GRIK2: variants seen among roughly 807,000 people sequenced by gnomAD.
The protein encoded by GRIK2 is glutamate ionotropic receptor kainate type subunit 2.
In GRIK2, 32 loss-of-function variants were observed where a neutral mutation model predicts 100.3. That is an observed-to-expected ratio of 0.32 (90% CI 0.24 to 0.43). GRIK2 has a LOEUF of 0.43. Ranked by LOEUF, GRIK2 falls within the 20% of genes least tolerant of loss-of-function variation. GRIK2 has a pLI of 1.00. For missense variants in GRIK2, 843 were observed against 1,114.9 expected (o/e 0.76, Z 3.47); for synonymous variants, 417 against 389.4 (o/e 1.07, Z -0.83).
chr6:101,411,480 T>C (rs1775879989), intron 2 of GRIK2, among the ~76,000 whole-genome samples: 1 of 152,116 alleles, frequency 6.6e-6, no homozygotes, highest in Admixed American at 6.6e-5. Context: ...GTGGTGGTTC[T>C]TAGTCCCTTT....
chr6:101,910,862 CACAT>C (rs1268720032), intron 12 of GRIK2, among the ~76,000 whole-genome samples: 12 of 150,822 alleles, frequency 8.0e-5, no homozygotes, highest in African/African-American at 1.5e-4. Flanking sequence ...CACACACACA[CACAT>C]ACACAAGCAT....
Position 102,014,892 on chromosome 6 carries a change from G to A in GRIK2, c.2086-20449G>A, listed in dbSNP as rs564347851. Among the ~76,000 whole-genome samples, 41 of 152,240 alleles carry A rather than the reference G, an allele frequency of 2.7e-4. No homozygotes were observed. In the South Asian group the frequency reaches 7.5e-3, roughly 28 times the overall value. ...TTTAGAGTATATGACAAGTGTAGAAGAGAAGAATGTATATTCTGTTGTTTT... is the reference window on the plus strand; with the variant it reads ...TTTAGAGTATATGACAAGTGTAGAAAAGAAGAATGTATATTCTGTTGTTTT... On this transcript the variant is annotated intron_variant, in intron 14 of 16. Coordinates refer to ENST00000369134, the MANE Select transcript of GRIK2 (RefSeq NM_021956.5).
chr6:101,446,797 G>C (rs1009394250), intron 2 of GRIK2, among the ~76,000 whole-genome samples: 1 of 37,124 alleles, frequency 2.7e-5, no homozygotes, highest in Non-Finnish European at 4.9e-5. Flanking sequence ...TATACACATG[G>C]CTTTGTCGTA....
intron 2 of GRIK2, among the ~76,000 whole-genome samples, chr6:101,557,565 A>G (rs1562224487): frequency 6.6e-6 from 1 of 152,150 alleles, no homozygotes; most frequent in Non-Finnish European, 1.5e-5. Context: ...AGATAATACA[A>G]TCATGTAGCC....
intron 7 of GRIK2, among the ~76,000 whole-genome samples, chr6:101,766,719 A>G (rs973496072): frequency 8.5e-5 from 13 of 152,198 alleles, no homozygotes; most frequent in Non-Finnish European, 1.6e-4. Context: ...TCCTGTTCCA[A>G]ATGAGCCCCA....
chr6:101,937,911 T>C (rs1368757705), intron 14 of GRIK2, among the ~76,000 whole-genome samples: 2 of 152,086 alleles, frequency 1.3e-5, no homozygotes, highest in African/African-American at 4.8e-5. Flanking sequence ...AGTTTAATGG[T>C]CTTGATTTTC....
chr6:101,706,082 C>A (rs951993124), intron 7 of GRIK2, among the ~76,000 whole-genome samples: 2 of 151,828 alleles, frequency 1.3e-5, no homozygotes, highest in Non-Finnish European at 2.9e-5. Context: ...AGTGAATGTG[C>A]TTCAGGCTTT....
intron 1 of GRIK2, chr6:101,398,720 C>T (rs1011668810): frequency 5.5e-5 from 17 of 307,820 alleles, no homozygotes; most frequent in Non-Finnish European, 1.0e-4. Context: ...TTTCTTGCAA[C>T]TCAAGGCGGG....
chr6:101,427,179 A>G (rs1769069046), intron 2 of GRIK2, among the ~76,000 whole-genome samples: 1 of 152,206 alleles, frequency 6.6e-6, no homozygotes, highest in Non-Finnish European at 1.5e-5. Context: ...CAACTTCTAC[A>G]GCTGAACCAA....
In GRIK2 at chr6:101,638,574, G is replaced by A. The variant is rs181111777; in HGVS notation, c.541+11937G>A. 2.0e-3 allele frequency among the ~76,000 whole-genome samples: 304 copies of A among 152,008 alleles called. 1 individual carries two copies. Among genetic ancestry groups the A allele is most frequent in the Non-Finnish European group, 4.0e-3 (271 of 67,980 alleles). On this transcript the variant is annotated intron_variant, in intron 4 of 16. Transcript: ENST00000369134. The stretch of plus-strand genomic sequence containing the variant: ...AGCAAGGAGAAAAAAATATAACCAC[G>A]GGGAAAATAGATTAAGAATTTTGAG...
At chr6:101,408,689 C>A (rs537504821) in intron 2 of GRIK2, among the ~76,000 whole-genome samples, 1 of 152,008 alleles carries the variant, frequency 6.6e-6, no homozygotes, top group South Asian at 2.1e-4. Context: ...TTCAACTGAG[C>A]GGATGAAACC....
chr6:101,893,930 G>A (rs1761994074), intron 12 of GRIK2, among the ~76,000 whole-genome samples: 2 of 151,296 alleles, frequency 1.3e-5, no homozygotes, highest in African/African-American at 4.8e-5. Context: ...CTTAAATTCT[G>A]TAAGAATGCC....
At chr6:101,402,540 G>A (rs1775375376) in intron 2 of GRIK2, among the ~76,000 whole-genome samples, 1 of 152,198 alleles carries the variant, frequency 6.6e-6, no homozygotes, top group Admixed American at 6.5e-5. Flanking sequence ...CTCTATGGCA[G>A]CGACCTGAGG....
intron 10 of GRIK2, among the ~76,000 whole-genome samples, chr6:101,838,137 T>A (rs1220754324): frequency 6.6e-6 from 1 of 152,218 alleles, no homozygotes; most frequent in Non-Finnish European, 1.5e-5. Flanking sequence ...CCTCAGTTTA[T>A]TACTGTTAGA....
At chr6:101,721,474 A>G (rs1338945851) in intron 7 of GRIK2, among the ~76,000 whole-genome samples, 1 of 151,794 alleles carries the variant, frequency 6.6e-6, no homozygotes, top group Non-Finnish European at 1.5e-5. Context: ...TGGGAGGATC[A>G]CCTGAGCCCA....
At chr6:101,601,791 T>C (rs1779223727) in intron 2 of GRIK2, among the ~76,000 whole-genome samples, 1 of 151,874 alleles carries the variant, frequency 6.6e-6, no homozygotes, top group Non-Finnish European at 1.5e-5. Flanking sequence ...CCTTCGACAT[T>C]TCTGATGATG....
chr6:101,997,698 C>T (rs934083581), intron 14 of GRIK2, among the ~76,000 whole-genome samples: 2 of 152,032 alleles, frequency 1.3e-5, no homozygotes, highest in Middle Eastern at 3.2e-3. Context: ...TATCTATCAT[C>T]TATATATCAT....
chr6:101,673,020 A>G (rs754367905), intron 4 of GRIK2, among the ~76,000 whole-genome samples: 2 of 152,158 alleles, frequency 1.3e-5, no homozygotes, highest in African/African-American at 4.8e-5. Context: ...ACTAATTTAC[A>G]TTCCCACCTT....
intron 11 of GRIK2, among the ~76,000 whole-genome samples, chr6:101,863,964 C>T (rs1195329403): frequency 2.0e-5 from 3 of 151,236 alleles, no homozygotes; most frequent in Admixed American, 2.0e-4. Context: ...GGTGAAACCC[C>T]GTCTCTACTA....
Sources: allele counts gnomAD v4.1 joint callset (sites outside exome capture counted in the v4.1 genomes callset), GRCh38; gene constraint gnomAD v4.1.1; transcripts MANE v1.5; gene names NCBI Gene and HGNC (gene_info 2026-07-23, HGNC 2026-07-21).